Variants in NCKAP5 observed in about 807,000 individuals in gnomAD.
NCKAP5 encodes the protein nck-associated protein 5.
A neutral mutation model predicts 167.0 loss-of-function variants in NCKAP5; 92 were observed. That is an observed-to-expected ratio of 0.55 (90% CI 0.47 to 0.66). The LOEUF (loss-of-function observed/expected upper bound fraction) is 0.66, where lower values mean the gene tolerates loss of function less well. Ranked by LOEUF, NCKAP5 falls within the 30% of genes least tolerant of loss-of-function variation. The probability of loss-of-function intolerance (pLI) is 0.00; values close to 1 mark genes in which losing one functional copy is unlikely to be tolerated. For missense variants in NCKAP5, 2,378 were observed against 2,315.0 expected, an observed-to-expected ratio of 1.03 and a Z score of -0.56; for synonymous variants, 891 against 877.4, an observed-to-expected ratio of 1.02 and a Z score of -0.27.
the NCKAP5 span, among the ~76,000 whole-genome samples, chr2:133,673,382 G>A: frequency 6.6e-6 from 1 of 152,270 alleles, no homozygotes; most frequent in East Asian, 1.9e-4. Context: ...TCAAAACACA[G>A]CCACAGGCAG....
intron 8 of NCKAP5, among the ~76,000 whole-genome samples, chr2:132,904,304 A>G (rs1693848049): frequency 6.6e-6 from 1 of 150,830 alleles, no homozygotes; most frequent in Non-Finnish European, 1.5e-5. Context: ...ATAAATAAAA[A>G]TTAAATAAAT....
chr2:133,412,954 G>A (rs1559464629), intron 3 of NCKAP5, among the ~76,000 whole-genome samples: 2 of 152,238 alleles, frequency 1.3e-5, no homozygotes, highest in African/African-American at 4.8e-5. Flanking sequence ...TCTGCAGGGA[G>A]GGAGGAAGGA....
At chr2:133,663,439 T>A in the NCKAP5 span, among the ~76,000 whole-genome samples, 1 of 152,146 alleles carries the variant, frequency 6.6e-6, no homozygotes, top group Non-Finnish European at 1.5e-5. Context: ...AAAAATAAAG[T>A]TTGACATTGA....
At chr2:132,777,947 G>A (rs1682692700) in intron 15 of NCKAP5, among the ~76,000 whole-genome samples, 2 of 151,992 alleles carry the variant, frequency 1.3e-5, no homozygotes, top group Admixed American at 6.5e-5. Flanking sequence ...AATGGTTCAC[G>A]ATGAAGGTAT....
At chr2:132,719,608 A>AG (rs1376465102) in intron 19 of NCKAP5, among the ~76,000 whole-genome samples, 1 of 152,226 alleles carries the variant, frequency 6.6e-6, no homozygotes, top group Non-Finnish European at 1.5e-5. Context: ...AAGGGGCACG[A>AG]GACTGGCAGC....
At chr2:132,942,583 A>G (rs1697381142) in intron 8 of NCKAP5, among the ~76,000 whole-genome samples, 1 of 152,244 alleles carries the variant, frequency 6.6e-6, no homozygotes, top group African/African-American at 2.4e-5. Context: ...GATATAATTT[A>G]GACCTGAAAA....
chr2:133,467,353 A>T (rs1272305227), intron 3 of NCKAP5, among the ~76,000 whole-genome samples: 1 of 152,160 alleles, frequency 6.6e-6, no homozygotes, highest in African/African-American at 2.4e-5. Context: ...CATCCCAGGG[A>T]TGAAGCCCAC....
intron 5 of NCKAP5, among the ~76,000 whole-genome samples, chr2:133,196,119 T>C (rs531970294): frequency 4.7e-4 from 71 of 152,096 alleles, no homozygotes; most frequent in Non-Finnish European, 7.6e-4. Context: ...ACTATGCTCG[T>C]GTGTTGGTTT....
chr2:133,029,739 T>C (rs943818752), intron 6 of NCKAP5, among the ~76,000 whole-genome samples: 1 of 152,062 alleles, frequency 6.6e-6, no homozygotes, highest in Non-Finnish European at 1.5e-5. Context: ...TCCCCAGGCA[T>C]ATCAGGCTGT....
At chr2:133,170,877 C>T (rs975915974) in intron 5 of NCKAP5, among the ~76,000 whole-genome samples, 2 of 152,090 alleles carry the variant, frequency 1.3e-5, no homozygotes, top group Non-Finnish European at 2.9e-5. Flanking sequence ...AAGCATGCCC[C>T]AGCAATAACT....
chr2:133,441,277 C>T (rs997503467), intron 3 of NCKAP5, among the ~76,000 whole-genome samples: 1 of 152,186 alleles, frequency 6.6e-6, no homozygotes, highest in Non-Finnish European at 1.5e-5. Flanking sequence ...CTATACCTGA[C>T]ATTCAGTTTG....
At chr2:132,716,780 T>C (rs1689413333) in intron 19 of NCKAP5, among the ~76,000 whole-genome samples, 1 of 152,198 alleles carries the variant, frequency 6.6e-6, no homozygotes, top group Non-Finnish European at 1.5e-5. Flanking sequence ...GGTAAACTCA[T>C]TCTGTCCATC....
At chr2:133,246,105 A>G (rs1229932679) in intron 4 of NCKAP5, among the ~76,000 whole-genome samples, 1 of 152,092 alleles carries the variant, frequency 6.6e-6, no homozygotes, top group East Asian at 1.9e-4. Flanking sequence ...ATCTGAATTC[A>G]CAGTGTGAGG....
chr2:133,107,264 G>A (rs758381899), intron 6 of NCKAP5, among the ~76,000 whole-genome samples: 21 of 152,026 alleles, frequency 1.4e-4, no homozygotes, highest in Non-Finnish European at 2.5e-4. Context: ...GCCACCAATG[G>A]GCTCCAACAG....
intron 11 of NCKAP5, among the ~76,000 whole-genome samples, chr2:132,807,158 T>C (rs1685504564): frequency 6.6e-6 from 1 of 152,242 alleles, no homozygotes; most frequent in African/African-American, 2.4e-5. Context: ...TTGGTGACTA[T>C]GGCCTTATAG....
rs544788193 is a variant in NCKAP5 at position 132,916,574 on chromosome 2, T to A, written c.580-37658A>T. On this transcript the variant is annotated intron_variant, in intron 8 of 19. Coordinates refer to ENST00000409261, the MANE Select transcript of NCKAP5 (RefSeq NM_207363.3). ...AATGATTATTTCTGTATTAACTGTA[T>A]AAAAGGTTATTTGAATTCTGTGGTT... Among the ~76,000 whole-genome samples, 443 of 152,218 alleles carry A rather than the reference T, an allele frequency of 2.9e-3. 1 individual carries two copies. The highest frequency in any genetic ancestry group is 0.01 in the African/African-American group (431 of 41,576).
At chr2:133,293,501 A>G (rs754805884) in intron 4 of NCKAP5, among the ~76,000 whole-genome samples, 11 of 152,160 alleles carry the variant, frequency 7.2e-5, no homozygotes, top group Non-Finnish European at 1.6e-4. Context: ...ACGTAGTTCT[A>G]CTAAACCCTG....
At chr2:133,436,090 C>T (rs1435562) in intron 3 of NCKAP5, among the ~76,000 whole-genome samples, 1 of 152,140 alleles carries the variant, frequency 6.6e-6, no homozygotes, top group African/African-American at 2.4e-5. Context: ...TCAATTCTTG[C>T]TATATTTACC....
chr2:132,956,473 C>T (rs2076348257), intron 8 of NCKAP5, among the ~76,000 whole-genome samples: 1 of 152,164 alleles, frequency 6.6e-6, no homozygotes, highest in African/African-American at 2.4e-5. Context: ...TCTATTTCTT[C>T]TGTGGTTTCA....
Sources: allele counts gnomAD v4.1 joint callset (sites outside exome capture counted in the v4.1 genomes callset), GRCh38; gene constraint gnomAD v4.1.1; transcripts MANE v1.5; gene names NCBI Gene and HGNC (gene_info 2026-07-23, HGNC 2026-07-21).